Variants in SAMD3 observed in about 807,000 individuals in gnomAD.
The protein encoded by SAMD3 is sterile alpha motif domain-containing protein 3.
A neutral mutation model predicts 58.5 loss-of-function variants in SAMD3; 63 were observed. The observed-to-expected ratio is 1.08, with a 90% confidence interval of 0.88 to 1.33. SAMD3 has a LOEUF of 1.33. Ranked by LOEUF, SAMD3 falls within the 40% of genes most tolerant of loss-of-function variation. The pLI, the probability that SAMD3 is intolerant of heterozygous loss-of-function variation, is 0.00. For synonymous variants in SAMD3, 220 were observed against 210.3 expected, an observed-to-expected ratio of 1.05 and a Z score of -0.40; for missense variants, 604 against 608.4, an observed-to-expected ratio of 0.99 and a Z score of 0.08.
chr6:130,230,152 G>T (rs770156968), intron 2 of SAMD3, among the ~76,000 whole-genome samples: 12 of 152,282 alleles, frequency 7.9e-5, no homozygotes, highest in Non-Finnish European at 1.6e-4. Flanking sequence ...AAGAGTTCCT[G>T]AACACTGAAG....
intron 9 of SAMD3, among the ~76,000 whole-genome samples, chr6:130,150,171 T>A (rs927531321): frequency 5.3e-5 from 8 of 152,164 alleles, no homozygotes; most frequent in Admixed American, 1.3e-4. Flanking sequence ...ATGGTGATGA[T>A]ACATGGAATT....
intron 5 of SAMD3, among the ~76,000 whole-genome samples, chr6:130,199,945 A>G (rs912820856): frequency 3.9e-4 from 60 of 152,266 alleles, no homozygotes; most frequent in African/African-American, 1.4e-3. Context: ...GTGTGAACCT[A>G]TAATCAAGCA....
chr6:130,146,672 A>G (rs895383332), intron 9 of SAMD3, among the ~76,000 whole-genome samples: 1 of 152,172 alleles, frequency 6.6e-6, no homozygotes, highest in Non-Finnish European at 1.5e-5. Context: ...AGACAGAGGT[A>G]AACAGTGAAA....
At chr6:130,194,445 G>T (rs2114753841) in intron 5 of SAMD3, among the ~76,000 whole-genome samples, 1 of 152,256 alleles carries the variant, frequency 6.6e-6, no homozygotes, top group Middle Eastern at 3.4e-3. Context: ...CCTACAACAG[G>T]ATTTAATTAA....
chr6:130,354,934 A>T (rs1033916182), intron 1 of SAMD3, among the ~76,000 whole-genome samples: 1 of 152,210 alleles, frequency 6.6e-6, no homozygotes, highest in Non-Finnish European at 1.5e-5. Context: ...CTAAAAAAAA[A>T]GGATATGGCA....
At chr6:130,338,566 G>A (rs1306704034) in intron 1 of SAMD3, among the ~76,000 whole-genome samples, 1 of 152,190 alleles carries the variant, frequency 6.6e-6, no homozygotes, top group African/African-American at 2.4e-5. Flanking sequence ...AGCAGCCTCA[G>A]GGGCTGAATC....
chr6:130,299,399 T>C (rs1223548443), intron 2 of SAMD3, among the ~76,000 whole-genome samples: 5 of 152,018 alleles, frequency 3.3e-5, no homozygotes, highest in African/African-American at 1.2e-4. Context: ...CGCAGAAATA[T>C]AAAAATATTT....
At chr6:130,180,133 A>G (rs1409333376) in intron 7 of SAMD3, among the ~76,000 whole-genome samples, 1 of 150,018 alleles carries the variant, frequency 6.7e-6, no homozygotes, top group African/African-American at 2.5e-5. Flanking sequence ...TATTATTATT[A>G]TTTTTGAGAC....
At chr6:130,320,903 GT>G (rs1382438834) in intron 1 of SAMD3, among the ~76,000 whole-genome samples, 3 of 152,156 alleles carry the variant, frequency 2.0e-5, no homozygotes, top group African/African-American at 7.2e-5. Flanking sequence ...AAATCTTGCT[GT>G]TCTTTGAACA....
intron 2 of SAMD3, among the ~76,000 whole-genome samples, chr6:130,301,913 G>A (rs1316399928): frequency 6.6e-6 from 1 of 151,982 alleles, no homozygotes; most frequent in Non-Finnish European, 1.5e-5. Context: ...GAATGAAACT[G>A]GACCCCCACC....
At chr6:130,266,076 T>G (rs1208194862) in intron 2 of SAMD3, among the ~76,000 whole-genome samples, 1 of 152,006 alleles carries the variant, frequency 6.6e-6, no homozygotes, top group African/African-American at 2.4e-5. Context: ...ACCCCCTTAA[T>G]CCTCGCTAGA....
At chr6:130,215,753 G>A (rs1380197832) in intron 2 of SAMD3, 6 of 1,508,912 alleles carry the variant, frequency 4.0e-6, no homozygotes, top group Non-Finnish European at 5.3e-6. Flanking sequence ...AAGCCTGACA[G>A]AGATACTTAG....
intron 2 of SAMD3, among the ~76,000 whole-genome samples, chr6:130,306,112 T>C (rs1775903545): frequency 6.6e-6 from 1 of 152,182 alleles, no homozygotes; most frequent in Non-Finnish European, 1.5e-5. Context: ...ACTATCACAC[T>C]AAGGATTAGG....
chr6:130,363,841 C>G (rs528375226), intron 1 of SAMD3, among the ~76,000 whole-genome samples: 1 of 152,058 alleles, frequency 6.6e-6, no homozygotes, highest in Non-Finnish European at 1.5e-5. Flanking sequence ...TACTTGATGG[C>G]GAGAAGTAGA....
chr6:130,283,832 AAAG>A (rs1315308439), intron 2 of SAMD3, among the ~76,000 whole-genome samples: 7 of 152,112 alleles, frequency 4.6e-5, no homozygotes, highest in Admixed American at 1.3e-4. Flanking sequence ...GGGTCAATAT[AAAG>A]AAGGATTGTT....
upstream of SAMD3, among the ~76,000 whole-genome samples, chr6:130,225,437 G>C: frequency 6.6e-6 from 1 of 152,206 alleles, no homozygotes; most frequent in East Asian, 1.9e-4. Context: ...TCTGGATCTG[G>C]TGAGTTTCAA....
At chr6:130,177,774 A>G (rs1223262533) in intron 7 of SAMD3, among the ~76,000 whole-genome samples, 1 of 151,816 alleles carries the variant, frequency 6.6e-6, no homozygotes, top group East Asian at 1.9e-4. Flanking sequence ...CTATAAGCAC[A>G]TAAAGAAAGG....
chr6:130,282,197 A>T (rs530384061), intron 2 of SAMD3, among the ~76,000 whole-genome samples: 1 of 152,254 alleles, frequency 6.6e-6, no homozygotes, highest in East Asian at 1.9e-4. Flanking sequence ...AGAAAGAGAG[A>T]GAGAAAGATT....
At chr6:130,221,060 T>C (rs1052552610) in intron 1 of SAMD3, among the ~76,000 whole-genome samples, 7 of 152,068 alleles carry the variant, frequency 4.6e-5, no homozygotes, top group East Asian at 1.9e-4. Context: ...TTCACTGTGT[T>C]AGCCAGGATG....
Sources: allele counts gnomAD v4.1 joint callset (sites outside exome capture counted in the v4.1 genomes callset), GRCh38; gene constraint gnomAD v4.1.1; transcripts MANE v1.5; gene names NCBI Gene and HGNC (gene_info 2026-07-23, HGNC 2026-07-21).